Variants in CHD8 observed in about 807,000 individuals in gnomAD.
The protein encoded by CHD8 is ATP-dependent chromatin remodeler CHD8.
Under a neutral mutation model 279.2 loss-of-function variants are expected in CHD8, and 31 were observed. The ratio of observed to expected loss-of-function variants is 0.11; its 90% CI spans 0.08 to 0.15. The LOEUF (loss-of-function observed/expected upper bound fraction) is 0.15, where lower values mean the gene tolerates loss of function less well. CHD8 is among the 10% of genes least tolerant of loss of function. CHD8 has a pLI of 1.00. For missense variants in CHD8, 2,146 were observed against 3,230.5 expected, an observed-to-expected ratio of 0.66 and a Z score of 8.14; for synonymous variants, 1,081 against 1,139.6, an observed-to-expected ratio of 0.95 and a Z score of 1.04.
Position 21,431,512 on chromosome 14 carries a change from G to A in CHD8, c.132C>T (p.Asp44=). The change falls in exon 2 of 38, where the codon GAC becomes GAT. Residue 44 remains aspartate (D), a synonymous_variant. Coordinates refer to ENST00000646647, the MANE Select transcript of CHD8 (RefSeq NM_001170629.2). ...EEALGLPSSL[D]SLDQMNQDGG... is the part of the protein sequence containing the mutation. ...CATCCTGGTTCATCTGATCCAAGGA[G>A]TCCAGAGAGCTTGGCAGTCCAAGGG... is the stretch of plus-strand genomic sequence containing the variant. 1.3e-6 allele frequency: 2 copies of A among 1,537,160 alleles called. No individual in the cohort carries two copies. Among genetic ancestry groups the A allele is most frequent in the Non-Finnish European group, 8.7e-7 (1 of 1,146,820 alleles).
intron 2 of CHD8, 102 bp from the exon 3 acceptor site, chr14:21,429,437 G>C: frequency 1.7e-6 from 2 of 1,181,546 alleles, no homozygotes; most frequent in African/African-American, 3.0e-5. Context: ...AAAAACTACA[G>C]GTCAGAAGAC....
chr14:21,408,614 G>A lies in CHD8; in HGVS notation c.2487-59C>T. On this transcript the variant is annotated intron_variant, in intron 12 of 37. Coordinates refer to ENST00000646647, the MANE Select transcript of CHD8 (RefSeq NM_001170629.2). The surrounding 1 kb of genome is among the most constrained non-coding windows in gnomAD (Gnocchi z 4.3). ...AAAGATACTATCTTTAAAAAAAATA[G>A]AGTATGTAGGAAGAAATTGTTTCAA... is the stretch of plus-strand genomic sequence containing the variant. 6.4e-7 allele frequency: 1 copy of A among 1,563,780 alleles called. No individual in the cohort carries two copies. The highest frequency in any genetic ancestry group is 8.7e-7 in the Non-Finnish European group (1 of 1,155,298).
In CHD8 at chr14:21,452,190, G is replaced by A. The variant is rs559040182; in HGVS notation, c.-216+3842C>T. Among the ~76,000 whole-genome samples, 8 of 152,150 alleles carry A rather than the reference G, an allele frequency of 5.3e-5. 1 individual carries two copies. Among genetic ancestry groups the A allele is most frequent in the South Asian group, 2.1e-4 (1 of 4,812 alleles). On this transcript the variant is annotated intron_variant, in intron 1 of 37. Transcript: ENST00000646647. Reference sequence around the variant, plus strand: ...CGAGTAGCTGGGCCTACAGGACCACGCCACCACGCCCAGCTAATTTTTGTA... The same window carrying A: ...CGAGTAGCTGGGCCTACAGGACCACACCACCACGCCCAGCTAATTTTTGTA...
intron 1 of CHD8, among the ~76,000 whole-genome samples, chr14:21,455,731 T>A (rs1023212566): frequency 5.3e-5 from 8 of 151,588 alleles, no homozygotes; most frequent in African/African-American, 1.9e-4. Context: ...CCGCCTCCAA[T>A]CTACACTACG....
rs1346438329 is a variant in CHD8, at chr14:21,414,125, A to T, written c.2142+176T>A. On this transcript the variant is annotated intron_variant, in intron 9 of 37. Transcript: ENST00000646647. ...TAACTAATAAATGAACCATATTTAA[A>T]CCTAACAAAACAATGCAAGGGCAGT... The T allele has an allele frequency of 8.8e-6, 5 of 571,370 alleles. No homozygotes were observed. The South Asian group carries it at 1.1e-4, about 13-fold the overall frequency. 35.4% of individuals were successfully genotyped at this position (571,370 alleles called of 1,614,324 possible).
At chr14:21,417,234 T>G (rs1357647471) in intron 5 of CHD8, among the ~76,000 whole-genome samples, 3 of 152,190 alleles carry the variant, frequency 2.0e-5, no homozygotes, top group Non-Finnish European at 2.9e-5. Context: ...AAGAAAAATT[T>G]GGCAACACCC....
intron 5 of CHD8, among the ~76,000 whole-genome samples, chr14:21,423,265 A>C (rs1440432124): frequency 6.6e-6 from 1 of 152,106 alleles, no homozygotes; most frequent in Non-Finnish European, 1.5e-5. Flanking sequence ...CACAGTTCTA[A>C]AGGCTGGTAA....
At position 21,401,916 on chromosome 14, in the gene CHD8, G is replaced by A. The variant is rs752779145; in HGVS notation, c.4062+41C>T. The A allele has an allele frequency of 8.5e-6, 13 of 1,525,288 alleles. No homozygotes were observed. In the African/African-American group the frequency reaches 1.4e-4, roughly 16 times the overall value. 94.5% of individuals were successfully genotyped at this position (1,525,288 alleles called of 1,614,324 possible). ...ACATAATTAAATCCTAGAGATTCCG[G>A]TCTCTGTGTTTTTCTAGCCTCTGGC... On this transcript the variant is annotated intron_variant, in intron 20 of 37. Coordinates refer to ENST00000646647, the MANE Select transcript of CHD8 (RefSeq NM_001170629.2).
At chr14:21,455,753 A>C (rs1212118506) in intron 1 of CHD8, among the ~76,000 whole-genome samples, 1 of 152,070 alleles carries the variant, frequency 6.6e-6, no homozygotes, top group Non-Finnish European at 1.5e-5. Context: ...CCAGTAATGC[A>C]ATGACAAGCC....
chr14:21,388,910 A>AAATGGGGG (rs1470646915), intron 37 of CHD8, among the ~76,000 whole-genome samples: 9 of 152,374 alleles, frequency 5.9e-5, no homozygotes, highest in Admixed American at 2.6e-4. Context: ...ATAGAAGATC[A>AAATGGGGG]AATGGGGGAA....
rs747531464 is a variant in CHD8 at position 21,428,045 on chromosome 14, G to C, written c.1425C>G (p.Arg475=). 1 of 1,614,010 alleles carries C rather than the reference G, an allele frequency of 6.2e-7. No homozygotes were observed. Among genetic ancestry groups the C allele is most frequent in the Non-Finnish European group, 8.5e-7 (1 of 1,179,912 alleles). The change falls in exon 4 of 38, where the codon CGC becomes CGG. Residue 475 remains arginine (R), a synonymous_variant. Coordinates refer to ENST00000646647, the MANE Select transcript of CHD8 (RefSeq NM_001170629.2). ...VAEAIARARA[R]GEQNIPRVLN... ...AGACTCGAGGTATGTTCTGCTCACC[G>C]CGGGCACGGGCTCTCGCAATGGCCT...
Position 21,394,187 on chromosome 14 carries a change from C to A in CHD8, c.5608G>T (p.Asp1870Tyr). Reference protein sequence around the residue: ...LPPAAGDEPPDPNLFIEPITE... With the variant: ...LPPAAGDEPPYPNLFIEPITE... ...ATGGGCTCAATGAACAGGTTAGGGTCGGGGGGTTCTGCAAGAGACAGGAGT... is the reference window on the plus strand; with the variant it reads ...ATGGGCTCAATGAACAGGTTAGGGTAGGGGGGTTCTGCAAGAGACAGGAGT... The change falls in exon 32 of 38, where the codon GAC becomes TAC. Residue 1870 changes from aspartate to tyrosine, a missense_variant. This residue lies in a region of CHD8 where 513 missense variants were observed against 637.6 expected (regional missense o/e 0.80). Coordinates refer to ENST00000646647, the MANE Select transcript of CHD8 (RefSeq NM_001170629.2). 2 of 1,606,400 alleles carry A rather than the reference C, an allele frequency of 1.2e-6. No individual in the cohort carries two copies. The highest frequency in any genetic ancestry group is 1.7e-5 in the Admixed American group (1 of 59,694).
chr14:21,414,641 AT>A (rs1339815632), intron 8 of CHD8: 1 of 593,432 alleles, frequency 1.7e-6, no homozygotes, highest in Non-Finnish European at 3.0e-6. Context: ...AGTAATGCTA[AT>A]TCTGCTGATC....
At position 21,399,652 on chromosome 14, in the gene CHD8, C is replaced by G; in HGVS notation, c.4871G>C (p.Trp1624Ser). The G allele has an allele frequency of 6.2e-7, 1 of 1,613,796 alleles. No individual in the cohort carries two copies. The highest frequency in any genetic ancestry group is 8.5e-7 in the Non-Finnish European group (1 of 1,179,754). ...VVDQLEVPTT[W>S]WDSEADKSLL... ...CGACTTGTCAGCCTCACTGTCCCAC[C>G]AAGTTGTTGGAACCTCCAGTTGATC... Residue 1624 changes from tryptophan (W) to serine (S), a missense_variant, in exon 26 of 38, where the codon TGG becomes TCG. Physicochemically the swap from Trp to Ser is radical, Grantham distance 177 (BLOSUM62 -3). Coordinates refer to ENST00000646647, the MANE Select transcript of CHD8 (RefSeq NM_001170629.2).
At chr14:21,397,766 C>A (rs964458429) in intron 27 of CHD8, 57 bp downstream of exon 27, 15 of 1,570,496 alleles carry the variant, frequency 9.6e-6, no homozygotes, top group Non-Finnish European at 1.1e-5. Context: ...TCAGTCAAGG[C>A]TAGAGTTATT....
At chr14:21,417,463 C>T (rs1367993099) in intron 5 of CHD8, among the ~76,000 whole-genome samples, 3 of 152,108 alleles carry the variant, frequency 2.0e-5, no homozygotes, top group Non-Finnish European at 4.4e-5. Context: ...CACCTGTAAT[C>T]GTAGCACTTT....
In CHD8 at chr14:21,394,003, C is replaced by T; in HGVS notation, c.5792G>A (p.Gly1931Glu). ...PKWWEPVRHDGELLRGAARHG... is the reference protein window; with the variant it reads ...PKWWEPVRHDEELLRGAARHG... ...GCGGGCTGCCCCTCTTAGAAGCTCC[C>T]CATCATGCCGAACAGGCTCCCACCA... The change falls in exon 32 of 38, where the codon GGG (glycine) becomes GAG (glutamate). Residue 1931 changes from glycine (G) to glutamate (E), a missense_variant. Physicochemically the swap from Gly to Glu is moderately conservative, Grantham distance 98. Transcript: ENST00000646647. 1.2e-6 allele frequency: 2 copies of T among 1,613,900 alleles called. No homozygotes were observed. Among genetic ancestry groups the T allele is most frequent in the Non-Finnish European group, 8.5e-7 (1 of 1,179,840 alleles).
In CHD8 at chr14:21,392,671, A is replaced by G. The variant is rs772750664; in HGVS notation, c.6607T>C (p.Leu2203=). The G allele has an allele frequency of 1.2e-6, 2 of 1,614,004 alleles. No individual in the cohort carries two copies. Among genetic ancestry groups the G allele is most frequent in the African/African-American group, 1.3e-5 (1 of 75,048 alleles). The part of the protein sequence containing the change: ...PGNHLLDSPS[L]TPGEYGDSPV... ...GAGTCACCATATTCTCCAGGAGTCA[A>G]TGAGGGACTGTCTAGCAAGTGGTTG... is the stretch of plus-strand genomic sequence containing the variant. The change falls in exon 34 of 38, where the codon TTG becomes CTG. Residue 2203 remains leucine (L), a synonymous_variant. Transcript: ENST00000646647.
intron 20 of CHD8, 36 bp downstream of exon 20, chr14:21,401,921 T>G: frequency 6.5e-7 from 1 of 1,547,716 alleles, no homozygotes; most frequent in East Asian, 2.3e-5. Context: ...TTCCGGTCTC[T>G]GTGTTTTTCT....
Sources: gnomAD v4.1 joint callset for allele counts (sites outside exome capture counted in the v4.1 genomes callset) on GRCh38, gnomAD v4.1.1 for gene constraint, gnomAD v4.1.1 regional missense constraint, Gnocchi (gnomAD v3.1) non-coding constraint, MANE v1.5 for transcripts, NCBI Gene and HGNC (gene_info 2026-07-23, HGNC 2026-07-21) for gene names.